The following C8orf34 variants were observed in gnomAD, a reference collection of about 807,000 sequenced individuals.
C8orf34 encodes uncharacterized protein C8orf34.
C8orf34 carries 65 observed loss-of-function variants against 68.3 expected under a neutral mutation model. That is an observed-to-expected ratio of 0.95 (90% CI 0.78 to 1.17). The LOEUF is 1.17. Ranked by LOEUF, C8orf34 falls within the 50% of genes most tolerant of loss-of-function variation. The pLI, the probability that C8orf34 is intolerant of heterozygous loss-of-function variation, is 0.00. For synonymous variants in C8orf34, 244 were observed against 241.2 expected (o/e 1.01, Z -0.11); for missense variants, 664 against 655.4 (o/e 1.01, Z -0.14).
chr8:68,450,908 C>A (rs1007605052), intron 3 of C8orf34, among the ~76,000 whole-genome samples: 2 of 152,096 alleles, frequency 1.3e-5, no homozygotes, highest in Non-Finnish European at 2.9e-5. Context: ...AAACTTGAAG[C>A]CAGGCATTGA....
At chr8:68,598,603 T>C (rs1264317974) in intron 7 of C8orf34, among the ~76,000 whole-genome samples, 1 of 152,194 alleles carries the variant, frequency 6.6e-6, no homozygotes, top group African/African-American at 2.4e-5. Flanking sequence ...CTACTTGTTC[T>C]GTCTTCTGCC....
chr8:68,500,266 A>G (rs1172628886), intron 5 of C8orf34, among the ~76,000 whole-genome samples: 1 of 152,224 alleles, frequency 6.6e-6, no homozygotes, highest in Non-Finnish European at 1.5e-5. Context: ...TATAATCATA[A>G]GGAAACATTG....
intron 10 of C8orf34, among the ~76,000 whole-genome samples, chr8:68,761,629 C>T (rs557711429): frequency 1.6e-3 from 239 of 152,250 alleles, no homozygotes; most frequent in Non-Finnish European, 2.5e-3. Context: ...TTTCTAGACC[C>T]CTCTCTATTT....
Position 68,540,773 on chromosome 8 carries a change from C to T in C8orf34, c.1105+7624C>T, listed in dbSNP as rs540327578. On this transcript the variant is annotated intron_variant, in intron 7 of 13. Transcript: ENST00000518698. ...AGGAGAATTGCTTGAACCCAGGAGGCGGAGGTTGCAGTGAGCCAAGATCAC... is the reference window on the plus strand; with the variant it reads ...AGGAGAATTGCTTGAACCCAGGAGGTGGAGGTTGCAGTGAGCCAAGATCAC... Among the ~76,000 whole-genome samples the T allele has an allele frequency of 2.8e-4, 42 of 152,050 alleles. No homozygotes were observed. The East Asian group carries it at 6.6e-3, about 24-fold the overall frequency.
intron 7 of C8orf34, among the ~76,000 whole-genome samples, chr8:68,594,455 A>AT (rs1239132686): frequency 2.6e-5 from 4 of 151,864 alleles, no homozygotes; most frequent in African/African-American, 9.7e-5. Context: ...TTACTCCAAC[A>AT]TTTTTTCGAT....
intron 1 of C8orf34, among the ~76,000 whole-genome samples, chr8:68,339,994 A>C (rs1247587762): frequency 6.6e-6 from 1 of 152,104 alleles, no homozygotes; most frequent in African/African-American, 2.4e-5. Context: ...TTTCATAAGA[A>C]GATGTATAGG....
At chr8:68,513,979 C>A (rs1284872077) in intron 5 of C8orf34, among the ~76,000 whole-genome samples, 1 of 152,168 alleles carries the variant, frequency 6.6e-6, no homozygotes, top group Non-Finnish European at 1.5e-5. Context: ...GATTTTGAAT[C>A]CCCATTTTAC....
intron 3 of C8orf34, among the ~76,000 whole-genome samples, chr8:68,460,540 C>T (rs569053540): frequency 2.0e-5 from 3 of 152,158 alleles, no homozygotes; most frequent in Non-Finnish European, 4.4e-5. Flanking sequence ...GGGAGGCACC[C>T]CCCAGTAGCG....
At chr8:68,645,568 C>T (rs545323391) in intron 8 of C8orf34, among the ~76,000 whole-genome samples, 44 of 152,098 alleles carry the variant, frequency 2.9e-4, no homozygotes, top group African/African-American at 1.0e-3. Context: ...GTTTGTTTCT[C>T]GTTGTTGTTG....
intron 7 of C8orf34, 115 bp from the exon 8 acceptor site, chr8:68,640,261 G>C (rs973955284): frequency 1.1e-6 from 1 of 873,492 alleles, no homozygotes; most frequent in Non-Finnish European, 1.7e-6. Context: ...TTTTGCAAAG[G>C]GGATATATAT....
intron 7 of C8orf34, among the ~76,000 whole-genome samples, chr8:68,601,696 G>C (rs1161922556): frequency 6.6e-6 from 1 of 152,084 alleles, no homozygotes; most frequent in African/African-American, 2.4e-5. Context: ...ATCTTTGTCA[G>C]ATAACTGCAA....
chr8:68,468,253 T>C (rs1393973664), intron 3 of C8orf34, among the ~76,000 whole-genome samples: 1 of 152,022 alleles, frequency 6.6e-6, no homozygotes, highest in East Asian at 1.9e-4. Context: ...TGTAATGTAA[T>C]TTTAATGGGA....
intron 12 of C8orf34, among the ~76,000 whole-genome samples, chr8:68,812,681 T>C (rs1339932699): frequency 6.6e-6 from 1 of 152,218 alleles, no homozygotes. Flanking sequence ...ACTTAATAGA[T>C]ATTTATGCGT....
At chr8:68,347,248 A>G (rs924704480) in intron 1 of C8orf34, among the ~76,000 whole-genome samples, 3 of 152,120 alleles carry the variant, frequency 2.0e-5, no homozygotes, top group Non-Finnish European at 4.4e-5. Flanking sequence ...TTTGCTAAGG[A>G]TAATAGGCTC....
intron 9 of C8orf34, 91 bp from the exon 10 acceptor site, chr8:68,721,270 C>A: frequency 1.3e-6 from 1 of 788,418 alleles, no homozygotes; most frequent in African/African-American, 1.8e-5. Context: ...CCAATTCCAT[C>A]ATTTTATTCT....
intron 1 of C8orf34, 40 bp from the exon 2 acceptor site, chr8:68,439,459 T>A (rs1478293649): frequency 1.3e-6 from 2 of 1,596,422 alleles, no homozygotes; most frequent in Non-Finnish European, 1.7e-6. Context: ...ACTGTTGCTG[T>A]TATTATTAAT....
At chr8:68,499,357 C>A (rs535882150) in intron 5 of C8orf34, among the ~76,000 whole-genome samples, 1 of 152,188 alleles carries the variant, frequency 6.6e-6, no homozygotes, top group East Asian at 1.9e-4. Flanking sequence ...ACACAGGGGC[C>A]AGATTATCCT....
At chr8:68,527,520 T>C (rs965352835) in intron 6 of C8orf34, among the ~76,000 whole-genome samples, 1 of 151,984 alleles carries the variant, frequency 6.6e-6, no homozygotes, top group Non-Finnish European at 1.5e-5. Context: ...TGCAGTGAGC[T>C]GAGATCGTGC....
intron 8 of C8orf34, among the ~76,000 whole-genome samples, chr8:68,685,286 C>T (rs1424630049): frequency 6.6e-6 from 1 of 151,996 alleles, no homozygotes; most frequent in Admixed American, 6.6e-5. Context: ...AGGTTAAATT[C>T]AGTAACCTTT....
Sources: allele counts gnomAD v4.1 joint callset (sites outside exome capture counted in the v4.1 genomes callset), GRCh38; gene constraint gnomAD v4.1.1; transcripts MANE v1.5; gene names NCBI Gene and HGNC (gene_info 2026-07-23, HGNC 2026-07-21).